Variants in SCUBE1 observed in about 807,000 individuals in gnomAD.
SCUBE1 encodes signal peptide, CUB domain and EGF like domain containing 1.
In SCUBE1, 59 loss-of-function variants were observed where a neutral mutation model predicts 124.4. That is an observed-to-expected ratio of 0.47 (90% CI 0.38 to 0.59). SCUBE1 has a LOEUF of 0.59. Ranked by LOEUF, SCUBE1 falls within the 20% of genes least tolerant of loss-of-function variation. SCUBE1 has a pLI of 0.00. For missense variants in SCUBE1, 1,150 were observed against 1,371.2 expected (o/e 0.84, Z 2.55); for synonymous variants, 545 against 550.9 (o/e 0.99, Z 0.15).
At chr22:43,248,072 G>C (rs962480155) in intron 6 of SCUBE1, among the ~76,000 whole-genome samples, 31 of 152,250 alleles carry the variant, frequency 2.0e-4, no homozygotes, top group African/African-American at 6.5e-4. Flanking sequence ...TCTGGCCGTG[G>C]CCTCACAGCT....
chr22:43,248,907 G>A (rs990815592), intron 6 of SCUBE1, among the ~76,000 whole-genome samples: 3 of 152,328 alleles, frequency 2.0e-5, no homozygotes, highest in African/African-American at 2.4e-5. Context: ...CTTCATTCAT[G>A]TGCTGAGCCA....
chr22:43,309,672 G>T (rs11704418), intron 3 of SCUBE1, among the ~76,000 whole-genome samples: 1 of 148,530 alleles, frequency 6.7e-6, no homozygotes, highest in Admixed American at 6.6e-5. Context: ...GAACTCAGAC[G>T]AACAGACACC....
At position 43,210,835 on chromosome 22, in the gene SCUBE1, G is replaced by A. The variant is rs896070024; in HGVS notation, c.2383+87C>T. 17 of 1,476,716 alleles carry A rather than the reference G, an allele frequency of 1.2e-5. No individual in the cohort carries two copies. Among genetic ancestry groups the A allele is most frequent in the African/African-American group, 5.5e-5 (4 of 72,300 alleles). 91.5% of individuals were successfully genotyped at this position (1,476,716 alleles called of 1,614,324 possible). ...GGAGTCCAGTGTCCTCGTGGAGCTC[G>A]TGTGAGATCAGGTCTCCTCCCGCCC... On this transcript the variant is annotated intron_variant, in intron 18 of 21. Coordinates refer to ENST00000360835, the MANE Select transcript of SCUBE1 (RefSeq NM_173050.5). The surrounding 1 kb of genome is among the most constrained non-coding windows in gnomAD (Gnocchi z 4.5).
chr22:43,261,452 A>G (rs182686378), intron 5 of SCUBE1, among the ~76,000 whole-genome samples: 10 of 152,290 alleles, frequency 6.6e-5, no homozygotes, highest in African/African-American at 2.2e-4. Flanking sequence ...GATGAATCAC[A>G]TCTGGTACAC....
chr22:43,339,641 C>A (rs1273690331), intron 1 of SCUBE1, among the ~76,000 whole-genome samples: 15 of 137,070 alleles, frequency 1.1e-4, no homozygotes, highest in East Asian at 6.4e-4. Context: ...TCTATCCCCC[C>A]ACAAGCATCA....
intron 3 of SCUBE1, among the ~76,000 whole-genome samples, chr22:43,303,471 G>A (rs1358213038): frequency 6.6e-6 from 1 of 152,264 alleles, no homozygotes; most frequent in African/African-American, 2.4e-5. Flanking sequence ...CAACAACCAG[G>A]ACTAAGGAAT....
Position 43,198,111 on chromosome 22 carries a change from G to C in SCUBE1, c.*5886C>G, listed in dbSNP as rs538580025. 3.6e-4 allele frequency: 66 copies of C among 184,454 alleles called. No individual in the cohort carries two copies. The highest frequency in any genetic ancestry group is 1.5e-3 in the African/African-American group (62 of 42,276). 11.4% of individuals were successfully genotyped at this position (184,454 alleles called of 1,614,324 possible). Reference sequence around the variant, plus strand: ...CCTTCATTTCCACATCTGAAGAATGGTCTTAACCCCACCATCTACATGGGG... The same window carrying C: ...CCTTCATTTCCACATCTGAAGAATGCTCTTAACCCCACCATCTACATGGGG... On this transcript the variant is annotated 3_prime_UTR_variant, in exon 22 of 22. Coordinates refer to ENST00000360835, the MANE Select transcript of SCUBE1 (RefSeq NM_173050.5).
intron 2 of SCUBE1, among the ~76,000 whole-genome samples, chr22:43,333,111 C>G (rs147993494): frequency 4.7e-4 from 71 of 152,266 alleles, no homozygotes; most frequent in African/African-American, 1.7e-3. Flanking sequence ...GTGTATGGAC[C>G]TGGGGTGAGC....
Position 43,210,867 on chromosome 22 carries a change from C to A in SCUBE1, c.2383+55G>T. 24 of 1,558,966 alleles carry A rather than the reference C, an allele frequency of 1.5e-5. No individual in the cohort carries two copies. The highest frequency in any genetic ancestry group is 1.7e-4 in the Middle Eastern group (1 of 5,790). Reference sequence around the variant, plus strand: ...ATCAGGTCTCCTCCCGCCCCCACAACCTGCCCAGCCCCTCCCGTGTTCCCA... The same window carrying A: ...ATCAGGTCTCCTCCCGCCCCCACAAACTGCCCAGCCCCTCCCGTGTTCCCA... On this transcript the variant is annotated intron_variant, in intron 18 of 21. Transcript: ENST00000360835. This position sits in a 1 kb window ranked among gnomAD's most constrained non-coding sequence, Gnocchi z 4.5.
intron 3 of SCUBE1, among the ~76,000 whole-genome samples, chr22:43,318,649 A>T (rs945340383): frequency 2.6e-5 from 4 of 152,214 alleles, no homozygotes; most frequent in Non-Finnish European, 5.9e-5. Context: ...ACACCAGCAC[A>T]ACTAAGACGC....
At chr22:43,256,017 A>C (rs571397424) in intron 6 of SCUBE1, among the ~76,000 whole-genome samples, 1 of 152,210 alleles carries the variant, frequency 6.6e-6, no homozygotes, top group Non-Finnish European at 1.5e-5. Flanking sequence ...GGCACAGGAC[A>C]AGGGGACAGG....
intron 2 of SCUBE1, among the ~76,000 whole-genome samples, chr22:43,326,736 GATA>G: frequency 6.6e-6 from 1 of 152,210 alleles, no homozygotes; most frequent in East Asian, 1.9e-4. Flanking sequence ...TGTGATTCAA[GATA>G]ACCGTGGGGT....
intron 8 of SCUBE1, 43 bp from the exon 9 acceptor site, chr22:43,229,231 G>A (rs1175116520): frequency 8.3e-7 from 1 of 1,203,850 alleles, no homozygotes; most frequent in East Asian, 2.3e-5. Context: ...GGAGTTTGAG[G>A]GAGTGGTGGG....
intron 20 of SCUBE1, 49 bp from the exon 21 acceptor site, chr22:43,207,662 C>T (rs760067151): frequency 7.1e-7 from 1 of 1,417,870 alleles, no homozygotes; most frequent in Non-Finnish European, 1.0e-6. Context: ...GCTTGAGGCC[C>T]ACGTGCTCCC....
intron 14 of SCUBE1, among the ~76,000 whole-genome samples, chr22:43,219,619 G>T (rs1017204190): frequency 1.3e-5 from 2 of 151,734 alleles, no homozygotes; most frequent in Middle Eastern, 3.2e-3. Context: ...GATTACAGGT[G>T]CCTGCCACCA....
intron 10 of SCUBE1, among the ~76,000 whole-genome samples, chr22:43,226,418 T>G: frequency 7.0e-6 from 1 of 141,912 alleles, no homozygotes; most frequent in Admixed American, 6.9e-5. Flanking sequence ...GAGTGAGGAG[T>G]GCTGGTGTGG....
chr22:43,217,488 ATGCTCCTCCCCGTCCT>A (rs1412759683), intron 15 of SCUBE1, among the ~76,000 whole-genome samples: 1 of 151,374 alleles, frequency 6.6e-6, no homozygotes, highest in Non-Finnish European at 1.5e-5. Context: ...CCTCCATCTC[ATGCTCCTCCCCGTCCT>A]TGCTCCGCCC....
Position 43,255,554 on chromosome 22 carries a change from G to A in SCUBE1, c.727+2665C>T, listed in dbSNP as rs1355208964. 7.1e-6 allele frequency: 11 copies of A among 1,550,386 alleles called. No homozygotes were observed. Among genetic ancestry groups the A allele is most frequent in the East Asian group, 4.9e-5 (2 of 40,916 alleles). ...ACTGACGTGGCATTGAACTGAGAGC[G>A]CTCAATTGCAGCCTCATCCTTCTCT... On this transcript the variant is annotated intron_variant, in intron 6 of 21. Transcript: ENST00000360835. This position sits in a 1 kb window ranked among gnomAD's most constrained non-coding sequence, Gnocchi z 4.7.
intron 16 of SCUBE1, chr22:43,213,754 G>A (rs2071725): frequency 0.14 from 26,699 of 196,718 alleles, 1,929 homozygotes; most frequent in South Asian, 0.21. Context: ...TCCACCATAA[G>A]GCACTTATGT....
Sources: gnomAD v4.1 joint callset for allele counts (sites outside exome capture counted in the v4.1 genomes callset) on GRCh38, gnomAD v4.1.1 for gene constraint, Gnocchi (gnomAD v3.1) non-coding constraint, MANE v1.5 for transcripts, NCBI Gene and HGNC (gene_info 2026-07-23, HGNC 2026-07-21) for gene names.